Variants in AGBL1 observed in about 807,000 individuals in gnomAD.
The protein encoded by AGBL1 is cytosolic carboxypeptidase 4.
In AGBL1, 130 loss-of-function variants were observed where a neutral mutation model predicts 118.9. The observed-to-expected ratio is 1.09, with a 90% CI of 0.95 to 1.26. The LOEUF (loss-of-function observed/expected upper bound fraction) is 1.26, where lower values mean the gene tolerates loss of function less well. Ranked by LOEUF, AGBL1 falls within the 50% of genes most tolerant of loss-of-function variation. AGBL1 has a pLI of 0.00. For missense variants in AGBL1, 1,584 were observed against 1,298.1 expected, an observed-to-expected ratio of 1.22 and a Z score of -3.38; for synonymous variants, 555 against 478.9, an observed-to-expected ratio of 1.16 and a Z score of -2.08.
At chr15:86,877,128 T>C (rs1441144012) in intron 22 of AGBL1, among the ~76,000 whole-genome samples, 3 of 152,100 alleles carry the variant, frequency 2.0e-5, no homozygotes, top group Non-Finnish European at 4.4e-5. Flanking sequence ...CCAACCTTTC[T>C]CTGTTCAAAT....
chr15:87,019,763 A>G (rs1207983534), intron 24 of AGBL1, among the ~76,000 whole-genome samples: 1 of 152,120 alleles, frequency 6.6e-6, no homozygotes, highest in Non-Finnish European at 1.5e-5. Flanking sequence ...GACAATAAAT[A>G]ACCAAGATTA....
chr15:86,093,756 G>A (rs1323132282), intron 1 of AGBL1, among the ~76,000 whole-genome samples: 1 of 152,152 alleles, frequency 6.6e-6, no homozygotes, highest in African/African-American at 2.4e-5. Context: ...TGAACATGCT[G>A]AAGGGCAGGC....
chr15:86,881,084 C>A (rs770369449), intron 22 of AGBL1, among the ~76,000 whole-genome samples: 5 of 152,164 alleles, frequency 3.3e-5, no homozygotes, highest in Non-Finnish European at 5.9e-5. Context: ...GCATGGCGGG[C>A]AGTTCTCATC....
At chr15:86,616,339 C>CAAAAAAAAAAAAAAAAAAAAAAA (rs199936794) in intron 21 of AGBL1, among the ~76,000 whole-genome samples, 2 of 49,252 alleles carry the variant, frequency 4.1e-5, no homozygotes, top group African/African-American at 1.4e-4. Flanking sequence ...TCCTCCACTT[C>CAAAAAAAAAAAAAAAAAAAAAAA]AAAAAAAAAA....
chr15:86,886,302 A>C (rs2079970222), intron 22 of AGBL1, among the ~76,000 whole-genome samples: 1 of 152,214 alleles, frequency 6.6e-6, no homozygotes, highest in Non-Finnish European at 1.5e-5. Context: ...AAGTTATAGC[A>C]AGTTATTTTG....
Position 86,674,268 on chromosome 15 carries a change from G to C in AGBL1, c.2995-5G>C, listed in dbSNP as rs1398953039. On this transcript the variant is annotated splice_region_variant and splice_polypyrimidine_tract_variant and intron_variant, in intron 21 of 22. Transcript: ENST00000614907. ...GCCACAGTTAATGCTTTGTTTAACT[G>C]GCAGGGTCTACAGTTTGGTACCAGA... is the stretch of plus-strand genomic sequence containing the variant. 3 of 1,605,922 alleles carry C rather than the reference G, an allele frequency of 1.9e-6. No homozygotes were observed. The highest frequency in any genetic ancestry group is 3.4e-5 in the Admixed American group (2 of 59,294).
rs192633107 is a variant in AGBL1 at position 86,240,787 on chromosome 15, G to A, written c.527-6884G>A. ...TTCTGGGCAACAATTGTTTGGGGTA[G>A]AATATGTCACGGTACTCTGTATAGC... On this transcript the variant is annotated intron_variant, in intron 6 of 22. Transcript: ENST00000614907. Among the ~76,000 whole-genome samples the A allele has an allele frequency of 4.7e-4, 72 of 152,316 alleles. 1 individual carries two copies. The highest frequency in any genetic ancestry group is 4.1e-3 in the Admixed American group (63 of 15,302).
rs2141692553 is a variant in AGBL1 at position 86,271,717 on chromosome 15, G to A, written c.2075+11G>A. On this transcript the variant is annotated intron_variant, in intron 15 of 22. Coordinates refer to ENST00000614907, the MANE Select transcript of AGBL1 (RefSeq NM_001386094.1). ...AATATGTTATTACAAGTAAGTTAGAGCGCTGTTAGCTTCCTTTTCTCTGTC... is the reference window on the plus strand; with the variant it reads ...AATATGTTATTACAAGTAAGTTAGAACGCTGTTAGCTTCCTTTTCTCTGTC... 3 of 1,602,056 alleles carry A rather than the reference G, an allele frequency of 1.9e-6. No individual in the cohort carries two copies. The highest frequency in any genetic ancestry group is 4.5e-5 in the East Asian group (2 of 44,818).
intron 22 of AGBL1, among the ~76,000 whole-genome samples, chr15:86,733,029 A>T (rs561123574): frequency 1.3e-5 from 2 of 148,606 alleles, no homozygotes; most frequent in East Asian, 3.9e-4. Context: ...TATTAATACT[A>T]TATACATGTA....
chr15:86,257,651 C>T (rs1376260248), intron 8 of AGBL1, among the ~76,000 whole-genome samples: 1 of 152,188 alleles, frequency 6.6e-6, no homozygotes, highest in African/African-American at 2.4e-5. Flanking sequence ...TTTGGCTACA[C>T]TAGTTGCATA....
intron 22 of AGBL1, among the ~76,000 whole-genome samples, chr15:86,882,129 A>C (rs1172779660): frequency 6.6e-6 from 1 of 152,200 alleles, no homozygotes; most frequent in Non-Finnish European, 1.5e-5. Context: ...TCGCGGTCTA[A>C]CACAGGTCAC....
At chr15:86,194,565 T>C (rs1259358511) in intron 5 of AGBL1, among the ~76,000 whole-genome samples, 3 of 152,230 alleles carry the variant, frequency 2.0e-5, no homozygotes, top group Non-Finnish European at 1.5e-5. Context: ...TGTGTTTGTG[T>C]GTCTGTGTAC....
At chr15:86,452,359 T>C (rs1482351443) in intron 18 of AGBL1, among the ~76,000 whole-genome samples, 1 of 152,192 alleles carries the variant, frequency 6.6e-6, no homozygotes, top group African/African-American at 2.4e-5. Context: ...AAATTGTTCC[T>C]GATTTCTCCT....
intron 5 of AGBL1, among the ~76,000 whole-genome samples, chr15:86,178,403 A>AATTCCTAC: frequency 6.6e-6 from 1 of 152,354 alleles, no homozygotes. Context: ...TGAGAGGCGA[A>AATTCCTAC]ATTCCTACAA....
At chr15:86,437,727 G>T (rs1043211535) in intron 18 of AGBL1, among the ~76,000 whole-genome samples, 5 of 152,080 alleles carry the variant, frequency 3.3e-5, no homozygotes, top group Non-Finnish European at 7.4e-5. Context: ...CTACCCTTAT[G>T]AGCTCCCAGT....
At chr15:86,759,786 C>A (rs909831252) in intron 22 of AGBL1, among the ~76,000 whole-genome samples, 15 of 152,112 alleles carry the variant, frequency 9.9e-5, no homozygotes, top group Admixed American at 6.5e-4. Flanking sequence ...TCTCGATGAT[C>A]TTCACGTGAT....
intron 18 of AGBL1, among the ~76,000 whole-genome samples, chr15:86,480,103 G>A (rs533253975): frequency 5.3e-5 from 8 of 152,186 alleles, no homozygotes; most frequent in Admixed American, 5.2e-4. Flanking sequence ...GGGAGAGGGG[G>A]GAGGGATAGC....
intron 22 of AGBL1, among the ~76,000 whole-genome samples, chr15:86,771,008 C>A (rs2078171297): frequency 6.6e-6 from 1 of 152,008 alleles, no homozygotes; most frequent in African/African-American, 2.4e-5. Flanking sequence ...CCAGGCCTCA[C>A]TCGTAAAGGC....
intron 21 of AGBL1, among the ~76,000 whole-genome samples, chr15:86,658,817 G>A (rs768381384): frequency 2.0e-5 from 3 of 152,124 alleles, no homozygotes; most frequent in Admixed American, 6.5e-5. Flanking sequence ...GGGAAAAAAC[G>A]TGGTCACAGA....
Sources: allele counts gnomAD v4.1 joint callset (sites outside exome capture counted in the v4.1 genomes callset), GRCh38; gene constraint gnomAD v4.1.1; transcripts MANE v1.5; gene names NCBI Gene and HGNC (gene_info 2026-07-23, HGNC 2026-07-21).